Variants in FBXO28 observed in about 807,000 individuals in gnomAD.
FBXO28 encodes F-box protein 28.
In FBXO28, 8 loss-of-function variants were observed where a neutral mutation model predicts 38.1. The ratio of observed to expected loss-of-function variants is 0.21; its 90% CI spans 0.12 to 0.38. The LOEUF (loss-of-function observed/expected upper bound fraction) is 0.38. Among genes scored for constraint, FBXO28 ranks in the 10% least tolerant of loss-of-function variants. FBXO28 has a pLI of 1.00. For synonymous variants in FBXO28, 168 were observed against 173.8 expected, an observed-to-expected ratio of 0.97 and a Z score of 0.26; for missense variants, 345 against 460.6, an observed-to-expected ratio of 0.75 and a Z score of 2.30.
intron 3 of FBXO28, among the ~76,000 whole-genome samples, chr1:224,138,616 A>G (rs1657256044): frequency 1.3e-5 from 2 of 151,988 alleles, no homozygotes; most frequent in Non-Finnish European, 2.9e-5. Context: ...TCATATTAGT[A>G]TCAGCAGTTC....
chr1:224,147,302 A>G (rs1657532255), intron 3 of FBXO28, among the ~76,000 whole-genome samples: 1 of 151,672 alleles, frequency 6.6e-6, no homozygotes. Flanking sequence ...AAGCGCCTGT[A>G]GTCCCAGCTA....
At position 224,117,657 on chromosome 1, in the gene FBXO28, G is replaced by T. The variant is rs542769534; in HGVS notation, c.267+3261G>T. On this transcript the variant is annotated intron_variant, in intron 1 of 4. Coordinates refer to ENST00000366862, the MANE Select transcript of FBXO28 (RefSeq NM_015176.4). ...GATGCAGCATTAGTATGTCACCCAG[G>T]CCCCCTTGGCAGGTGGGTGAGAGAC... Among the ~76,000 whole-genome samples the T allele has an allele frequency of 3.8e-4, 58 of 152,230 alleles. 1 individual carries two copies. Among genetic ancestry groups the T allele is most frequent in the African/African-American group, 1.3e-3 (56 of 41,552 alleles).
Position 224,158,798 on chromosome 1 carries a change from G to C in FBXO28, c.*1052G>C, listed in dbSNP as rs567976947. The C allele has an allele frequency of 1.3e-5, 2 of 152,656 alleles. No individual in the cohort carries two copies. Among genetic ancestry groups the C allele is most frequent in the East Asian group, 3.9e-4 (2 of 5,184 alleles). The allele number at this position is 152,656 out of a possible 1,614,324, so 9.5% of individuals were successfully genotyped here. On this transcript the variant is annotated 3_prime_UTR_variant, in exon 5 of 5. Coordinates refer to ENST00000366862, the MANE Select transcript of FBXO28 (RefSeq NM_015176.4). ...GACTCGACTTGCGGGATGCAGTTTTGCCATTGCAGCAAAGTTCATTGAGGA... is the reference window on the plus strand; with the variant it reads ...GACTCGACTTGCGGGATGCAGTTTTCCCATTGCAGCAAAGTTCATTGAGGA...
intron 2 of FBXO28, 71 bp downstream of exon 2, chr1:224,130,652 C>A: frequency 9.8e-7 from 1 of 1,020,244 alleles, no homozygotes; most frequent in Non-Finnish European, 1.5e-6. Flanking sequence ...TTTTTTCAGT[C>A]TCATGGTTTA....
chr1:224,144,230 A>G (rs1177906321), intron 3 of FBXO28, among the ~76,000 whole-genome samples: 1 of 150,408 alleles, frequency 6.6e-6, no homozygotes, highest in Non-Finnish European at 1.5e-5. Flanking sequence ...TTGGGAGGCC[A>G]AGATAGGAGG....
At chr1:224,152,075 A>G (rs904937407) in intron 3 of FBXO28, among the ~76,000 whole-genome samples, 8 of 151,888 alleles carry the variant, frequency 5.3e-5, no homozygotes, top group Non-Finnish European at 7.4e-5. Context: ...CTTCAGGTCT[A>G]TTCTGAAGCC....
At chr1:224,141,710 A>T (rs1269517925) in intron 3 of FBXO28, among the ~76,000 whole-genome samples, 1 of 152,286 alleles carries the variant, frequency 6.6e-6, no homozygotes, top group African/African-American at 2.4e-5. Context: ...ATATTTGTAT[A>T]TCTAAACATA....
At chr1:224,135,196 G>A (rs1169541238) in intron 3 of FBXO28, among the ~76,000 whole-genome samples, 3 of 152,146 alleles carry the variant, frequency 2.0e-5, no homozygotes, top group Non-Finnish European at 2.9e-5. Context: ...TGACCAGTTA[G>A]AAACTTCAGA....
chr1:224,135,028 T>G (rs1380367612), intron 3 of FBXO28, among the ~76,000 whole-genome samples: 1 of 146,688 alleles, frequency 6.8e-6, no homozygotes, highest in Non-Finnish European at 1.5e-5. Context: ...TAGTTTTCTT[T>G]GACATTTATT....
At chr1:224,153,639 G>A (rs1433212363) in intron 4 of FBXO28, among the ~76,000 whole-genome samples, 1 of 152,148 alleles carries the variant, frequency 6.6e-6, no homozygotes, top group Non-Finnish European at 1.5e-5. Flanking sequence ...AGCTGGGCCC[G>A]GCCAGGCGCA....
chr1:224,122,054 G>A (rs1315257906), intron 1 of FBXO28, among the ~76,000 whole-genome samples: 2 of 152,186 alleles, frequency 1.3e-5, no homozygotes, highest in East Asian at 1.9e-4. Flanking sequence ...GATTACAGGC[G>A]TGAGCCACTG....
In FBXO28 at chr1:224,157,588, T is replaced by C. The variant is rs1196651698; in HGVS notation, c.949T>C (p.Leu317=). Residue 317 remains leucine (L), a synonymous_variant, in exon 5 of 5, where the codon TTG becomes CTG. Coordinates refer to ENST00000366862, the MANE Select transcript of FBXO28 (RefSeq NM_015176.4). ...TQIIGEQNAR[L]AELERKLREV... ...GATCATAGGTGAACAAAATGCACGG[T>C]TGGCAGAGCTAGAACGCAAACTACG... 6 of 1,614,116 alleles carry C rather than the reference T, an allele frequency of 3.7e-6. No homozygotes were observed. The highest frequency in any genetic ancestry group is 5.1e-6 in the Non-Finnish European group (6 of 1,180,050).
chr1:224,146,219 G>A (rs1483260547), intron 3 of FBXO28, among the ~76,000 whole-genome samples: 1 of 151,436 alleles, frequency 6.6e-6, no homozygotes, highest in African/African-American at 2.4e-5. Context: ...GGGCGATAGA[G>A]TGAGACTGTC....
At chr1:224,129,805 C>A (rs949839606) in intron 1 of FBXO28, among the ~76,000 whole-genome samples, 1 of 152,038 alleles carries the variant, frequency 6.6e-6, no homozygotes, top group Non-Finnish European at 1.5e-5. Context: ...CTGGCTAACA[C>A]AGTGAAACCC....
At chr1:224,142,553 C>T (rs563450220) in intron 3 of FBXO28, among the ~76,000 whole-genome samples, 14 of 152,150 alleles carry the variant, frequency 9.2e-5, no homozygotes, top group Non-Finnish European at 1.8e-4. Flanking sequence ...CAGTGGCTCA[C>T]GCCTGTGATC....
chr1:224,126,082 A>G (rs1000368610), intron 1 of FBXO28, among the ~76,000 whole-genome samples: 6 of 152,172 alleles, frequency 3.9e-5, no homozygotes, highest in African/African-American at 1.4e-4. Context: ...CTTTGCATAC[A>G]CCATTACATC....
chr1:224,134,041 G>T, intron 2 of FBXO28, 33 bp from the exon 3 acceptor site: 1 of 1,441,420 alleles, frequency 6.9e-7, no homozygotes, highest in Admixed American at 2.9e-5. Flanking sequence ...TGCTTTAATG[G>T]TTGCCTTGCT....
intron 3 of FBXO28, among the ~76,000 whole-genome samples, chr1:224,145,795 G>A (rs566870787): frequency 3.2e-4 from 48 of 152,098 alleles, no homozygotes; most frequent in African/African-American, 1.1e-3. Flanking sequence ...TGGGCCAGGC[G>A]CAGTGACTCA....
At chr1:224,148,200 G>A (rs7531870) in intron 3 of FBXO28, among the ~76,000 whole-genome samples, 150,278 of 152,302 alleles carry the variant, frequency 0.99, 74,169 homozygotes, top group Middle Eastern at 1. Flanking sequence ...TTCACAAATT[G>A]TAGATGTATT....
Sources: allele counts gnomAD v4.1 joint callset (sites outside exome capture counted in the v4.1 genomes callset), GRCh38; gene constraint gnomAD v4.1.1; transcripts MANE v1.5; gene names NCBI Gene and HGNC (gene_info 2026-07-23, HGNC 2026-07-21).